The following DMD variants were observed in gnomAD, a reference collection of about 807,000 sequenced individuals.
DMD encodes dystrophin.
In DMD, 63 loss-of-function variants were observed where a neutral mutation model predicts 330.1. The observed-to-expected ratio is 0.19, with a 90% CI of 0.16 to 0.24. DMD has a LOEUF of 0.24. DMD is among the 10% of genes least tolerant of loss of function. The probability of loss-of-function intolerance (pLI) is 1.00; values close to 1 mark genes in which losing one functional copy is unlikely to be tolerated. For synonymous variants in DMD, 1,223 were observed against 959.8 expected, an observed-to-expected ratio of 1.27 and a Z score of -5.07; for missense variants, 3,344 against 2,684.1, an observed-to-expected ratio of 1.25 and a Z score of -5.43.
At chrX:32,305,551 C>T (rs1019873045) in intron 42 of DMD, among the ~76,000 whole-genome samples, 7 of 111,215 alleles carry the variant, frequency 6.3e-5, no homozygotes, top group African/African-American at 2.3e-4. Context: ...CATTCTCTCA[C>T]TACCGACCAA....
At chrX:32,934,610 G>C (rs775460738) in intron 2 of DMD, among the ~76,000 whole-genome samples, 40 of 111,598 alleles carry the variant, frequency 3.6e-4, no homozygotes, top group Non-Finnish European at 5.7e-4. Flanking sequence ...ATTTCCCTTT[G>C]TGTAATGTGA....
intron 52 of DMD, among the ~76,000 whole-genome samples, chrX:31,702,377 T>C (rs2083873451): frequency 8.9e-6 from 1 of 112,218 alleles, no homozygotes; most frequent in African/African-American, 3.2e-5. Context: ...ATAGCCAACA[T>C]ATCCAAACTG....
intron 11 of DMD, among the ~76,000 whole-genome samples, chrX:32,623,917 C>T (rs953087000): frequency 4.5e-5 from 5 of 111,773 alleles, no homozygotes; most frequent in African/African-American, 1.6e-4. Context: ...CCCTGTGTGA[C>T]CCAAGACTGT....
chrX:32,542,799 A>G (rs774360687), intron 17 of DMD, among the ~76,000 whole-genome samples: 2 of 112,153 alleles, frequency 1.8e-5, no homozygotes, highest in African/African-American at 6.5e-5. Context: ...ATCTTCGTTC[A>G]GTCTAAATTT....
At chrX:32,648,534 C>T (rs1228804226) in intron 9 of DMD, among the ~76,000 whole-genome samples, 1 of 111,138 alleles carries the variant, frequency 9.0e-6, no homozygotes, top group Non-Finnish European at 1.9e-5. Flanking sequence ...TTCAGATGTG[C>T]ATATGGGTTT....
At chrX:32,428,778 A>C (rs750510769) in intron 29 of DMD, among the ~76,000 whole-genome samples, 1 of 110,644 alleles carries the variant, frequency 9.0e-6, no homozygotes, top group African/African-American at 3.3e-5. Context: ...CAGCTGGTTA[A>C]TTTTTGTATT....
chrX:31,880,222 G>T (rs12557076), intron 47 of DMD, among the ~76,000 whole-genome samples: 3,949 of 111,311 alleles, frequency 0.035, 102 homozygotes, highest in Admixed American at 0.1. Context: ...AAGAAGAACT[G>T]GAATAAAATA....
intron 16 of DMD, among the ~76,000 whole-genome samples, chrX:32,555,930 A>C (rs1268280772): frequency 8.9e-6 from 1 of 111,941 alleles, no homozygotes; most frequent in African/African-American, 3.2e-5. Context: ...CATGAGGAAA[A>C]TGGCAAAAGC....
At chrX:32,543,657 G>A (rs2048699027) in intron 17 of DMD, among the ~76,000 whole-genome samples, 1 of 112,055 alleles carries the variant, frequency 8.9e-6, no homozygotes, top group East Asian at 2.8e-4. Flanking sequence ...ACGGATTTGT[G>A]CCATTATGCT....
intron 59 of DMD, among the ~76,000 whole-genome samples, chrX:31,477,825 ACACAC>A (rs1335659758): frequency 5.4e-5 from 6 of 110,902 alleles, no homozygotes; most frequent in South Asian, 7.7e-4. Flanking sequence ...ACACACACAC[ACACAC>A]ATCAGACTTT....
At chrX:32,739,363 T>C (rs1209043430) in intron 7 of DMD, among the ~76,000 whole-genome samples, 2 of 111,599 alleles carry the variant, frequency 1.8e-5, no homozygotes, top group Non-Finnish European at 3.8e-5. Flanking sequence ...AAATTAAGTG[T>C]TTTAGTATTC....
At chrX:32,266,001 A>G (rs888555604) in intron 43 of DMD, among the ~76,000 whole-genome samples, 4 of 111,621 alleles carry the variant, frequency 3.6e-5, no homozygotes, top group Admixed American at 9.5e-5. Context: ...TGAAATGTGA[A>G]GACGTGCCAT....
chrX:32,474,995 G>A (rs1391468897), intron 21 of DMD, among the ~76,000 whole-genome samples: 3 of 111,305 alleles, frequency 2.7e-5, no homozygotes, highest in Non-Finnish European at 3.8e-5. Flanking sequence ...TCAGGTCTTA[G>A]GTTTAAGTCT....
intron 41 of DMD, among the ~76,000 whole-genome samples, chrX:32,341,810 T>C (rs1403912145): frequency 8.9e-6 from 1 of 111,825 alleles, no homozygotes; most frequent in Non-Finnish European, 1.9e-5. Flanking sequence ...ATTGACAAAT[T>C]AACATTGCCA....
chrX:31,899,398 T>G (rs2149804920), intron 47 of DMD, among the ~76,000 whole-genome samples: 1 of 109,598 alleles, frequency 9.1e-6, no homozygotes, highest in Non-Finnish European at 1.9e-5. Flanking sequence ...TTGGAATAAA[T>G]AAAATCAGCA....
intron 51 of DMD, among the ~76,000 whole-genome samples, chrX:31,741,089 T>C (rs916589883): frequency 3.6e-5 from 4 of 112,147 alleles, no homozygotes; most frequent in Non-Finnish European, 7.5e-5. Context: ...GCTGAAGTTT[T>C]ACCTTGAGAT....
At chrX:33,236,766 G>C (rs2148886515) in intron 1 of DMD, among the ~76,000 whole-genome samples, 1 of 111,489 alleles carries the variant, frequency 9.0e-6, no homozygotes, top group African/African-American at 3.3e-5. Context: ...GAGGTGAGAA[G>C]CTAGTGAGGA....
intron 1 of DMD, among the ~76,000 whole-genome samples, chrX:33,054,649 C>T (rs948536025): frequency 6.3e-5 from 7 of 111,882 alleles, no homozygotes; most frequent in African/African-American, 1.9e-4. Context: ...ATGACACAAT[C>T]GAATATGCTT....
chrX:31,688,850 C>G (rs2048231975), intron 52 of DMD, among the ~76,000 whole-genome samples: 1 of 111,780 alleles, frequency 8.9e-6, no homozygotes, highest in Non-Finnish European at 1.9e-5. Context: ...AGCATATAAA[C>G]AGAACCAACG....
Sources: gnomAD v4.1 joint callset for allele counts (sites outside exome capture counted in the v4.1 genomes callset) on GRCh38, gnomAD v4.1.1 for gene constraint, MANE v1.5 for transcripts, NCBI Gene and HGNC (gene_info 2026-07-23, HGNC 2026-07-21) for gene names.